Variants in MLYCD observed in about 807,000 individuals in gnomAD.
The protein encoded by MLYCD is malonyl-CoA decarboxylase, mitochondrial.
In MLYCD, 27 loss-of-function variants were observed where a neutral mutation model predicts 35.8. The ratio of observed to expected loss-of-function variants is 0.75; its 90% CI spans 0.56 to 1.04. The LOEUF is 1.04. Ranked by LOEUF, MLYCD falls within the 50% of genes least tolerant of loss-of-function variation. The pLI, the probability that MLYCD is intolerant of heterozygous loss-of-function variation, is 0.00. For missense variants in MLYCD, 917 were observed against 665.1 expected, an observed-to-expected ratio of 1.38 and a Z score of -4.17; for synonymous variants, 403 against 302.4, an observed-to-expected ratio of 1.33 and a Z score of -3.45.
At chr16:83,904,001 C>T (rs1462483805) in intron 1 of MLYCD, among the ~76,000 whole-genome samples, 1 of 152,162 alleles carries the variant, frequency 6.6e-6, no homozygotes, top group Non-Finnish European at 1.5e-5. Flanking sequence ...GGTGTTAGAA[C>T]TGAGCAACGG....
Position 83,899,365 on chromosome 16 carries a change from T to C in MLYCD, c.221T>C (p.Phe74Ser). ...GGTCAGTGCGCGGACTTCGTGAGCT[T>C]CTACGGTGGGCTGGCCGAGACGGCC... ...AEGQCADFVS[F>S]YGGLAETAQR... The change falls in exon 1 of 5, where the codon TTC becomes TCC. Residue 74 changes from phenylalanine to serine, a missense_variant. Phe to Ser is a radical substitution (Grantham distance 155). Coordinates refer to ENST00000262430, the MANE Select transcript of MLYCD (RefSeq NM_012213.3). The C allele has an allele frequency of 6.5e-7, 1 of 1,527,478 alleles. No individual in the cohort carries two copies. The highest frequency in any genetic ancestry group is 8.7e-7 in the Non-Finnish European group (1 of 1,146,274). The allele number at this position is 1,527,478 out of a possible 1,614,324, so 94.6% of individuals were successfully genotyped here. A position where few individuals can be genotyped will look rare whatever the true frequency, so the allele number is the denominator to read the frequency against.
intron 4 of MLYCD, chr16:83,913,253 C>G (rs555054119): frequency 1.3e-5 from 2 of 152,178 alleles, no homozygotes; most frequent in East Asian, 3.9e-4. Flanking sequence ...CGCCATGTTT[C>G]CCCCGGGTAA....
At position 83,922,325 on chromosome 16, in the gene MLYCD, G is replaced by T. The variant is rs370067664; in HGVS notation, c.*6836G>T. The stretch of plus-strand genomic sequence containing the variant: ...TTGGAGCCCTGTCATCTGTGGATCA[G>T]ATGCTCCCCAGCTCCCTCCATCCCA... On this transcript the variant is annotated 3_prime_UTR_variant, in exon 5 of 5. Coordinates refer to ENST00000262430, the MANE Select transcript of MLYCD (RefSeq NM_012213.3). 6.6e-6 allele frequency: 1 copy of T among 152,234 alleles called. No homozygotes were observed. Among genetic ancestry groups the T allele is most frequent in the African/African-American group, 2.4e-5 (1 of 41,442 alleles). The allele number at this position is 152,234 out of a possible 1,614,324, so 9.4% of individuals were successfully genotyped here. A position where few individuals can be genotyped will look rare whatever the true frequency, so the allele number is the denominator to read the frequency against.
intron 3 of MLYCD, among the ~76,000 whole-genome samples, chr16:83,909,885 G>T (rs564844911): frequency 4.8e-4 from 73 of 151,718 alleles, no homozygotes; most frequent in Admixed American, 2.7e-3. Flanking sequence ...TGCCCGCCGC[G>T]GCTTCCCAAA....
intron 4 of MLYCD, chr16:83,913,900 A>G (rs1259391488): frequency 6.6e-6 from 1 of 151,884 alleles, no homozygotes; most frequent in Non-Finnish European, 1.5e-5. Flanking sequence ...GGAAAATCAT[A>G]ATAGGCTGCT....
At chr16:83,914,926 C>A in intron 4 of MLYCD, 30 bp from the exon 5 acceptor site, 1 of 1,614,136 alleles carries the variant, frequency 6.2e-7, no homozygotes, top group South Asian at 1.1e-5. Context: ...TTTTCTCCGC[C>A]TTCCTTTCCA....
At chr16:83,905,724 C>T (rs916295798) in intron 1 of MLYCD, among the ~76,000 whole-genome samples, 1 of 152,224 alleles carries the variant, frequency 6.6e-6, no homozygotes, top group South Asian at 2.1e-4. Flanking sequence ...CCCTCATTGA[C>T]CAGAACTCTG....
At chr16:83,908,678 G>A (rs1907066850) in intron 3 of MLYCD, among the ~76,000 whole-genome samples, 1 of 152,200 alleles carries the variant, frequency 6.6e-6, no homozygotes, top group African/African-American at 2.4e-5. Context: ...TTAGAAAATT[G>A]AAAGAGGCAC....
chr16:83,903,944 A>G (rs1171244400), intron 1 of MLYCD, among the ~76,000 whole-genome samples: 5 of 152,238 alleles, frequency 3.3e-5, no homozygotes, highest in African/African-American at 1.2e-4. Context: ...GTATCCTGGC[A>G]ACGTTGCCGC....
chr16:83,914,994 A>C lies in MLYCD; in HGVS notation c.987A>C (p.Ser329=). ...FPHLGVFSSL[S]PIPGFTKWLL... is the part of the protein sequence containing the mutation. The stretch of plus-strand genomic sequence containing the variant: ...ACCTTGGGGTGTTTTCAAGTCTGTC[A>C]CCTATACCTGGTTTCACCAAATGGC... Residue 329 remains serine, a synonymous_variant, in exon 5 of 5, where the codon TCA becomes TCC. Transcript: ENST00000262430. 7 of 1,614,156 alleles carry C rather than the reference A, an allele frequency of 4.3e-6. No homozygotes were observed. The highest frequency in any genetic ancestry group is 5.9e-6 in the Non-Finnish European group (7 of 1,180,038).
intron 3 of MLYCD, 92 bp downstream of exon 3, chr16:83,908,374 C>CT: frequency 1.4e-6 from 2 of 1,407,040 alleles, no homozygotes; most frequent in South Asian, 1.3e-5. Context: ...ATTTTATCCT[C>CT]CTTTTTTTTT....
intron 4 of MLYCD, chr16:83,913,674 C>T (rs1251969864): frequency 1.3e-5 from 2 of 151,996 alleles, no homozygotes; most frequent in African/African-American, 4.8e-5. Context: ...AAAAATTAGG[C>T]ATGGTGGTGC....
In MLYCD at chr16:83,912,098, C is replaced by A. The variant is rs549059900; in HGVS notation, c.799-120C>A. 1.3e-5 allele frequency: 19 copies of A among 1,409,990 alleles called. No individual in the cohort carries two copies. The African/African-American group carries it at 1.8e-4, about 14-fold the overall frequency. 87.3% of individuals were successfully genotyped at this position (1,409,990 alleles called of 1,614,324 possible). On this transcript the variant is annotated intron_variant, in intron 3 of 4. Coordinates refer to ENST00000262430, the MANE Select transcript of MLYCD (RefSeq NM_012213.3). ...GTAGCCTGAACCCCAGCTGGGGAGC[C>A]GAGGTCTCTTCCAGCTCCTTCAGTG...
rs754586979 is a variant in MLYCD, at chr16:83,925,030, G to A, written c.*9541G>A. ...CTGTCTCCTAACTACCGATAGCAAG[G>A]GCACTAGTGCCCCTGTTTGCCGGGG... On this transcript the variant is annotated 3_prime_UTR_variant, in exon 5 of 5. Coordinates refer to ENST00000262430, the MANE Select transcript of MLYCD (RefSeq NM_012213.3). The A allele has an allele frequency of 6.6e-6, 1 of 152,274 alleles. No individual in the cohort carries two copies. The highest frequency in any genetic ancestry group is 1.5e-5 in the Non-Finnish European group (1 of 68,088). The allele number at this position is 152,274 out of a possible 1,614,324, so 9.4% of individuals were successfully genotyped here. A position where few individuals can be genotyped will look rare whatever the true frequency, so the allele number is the denominator to read the frequency against.
At position 83,923,770 on chromosome 16, in the gene MLYCD, G is replaced by C. The variant is rs551900459; in HGVS notation, c.*8281G>C. The C allele has an allele frequency of 5.7e-4, 87 of 152,500 alleles. No individual in the cohort carries two copies. The highest frequency in any genetic ancestry group is 2.0e-3 in the African/African-American group (85 of 41,582). 9.4% of individuals were successfully genotyped at this position (152,500 alleles called of 1,614,324 possible). Reference sequence around the variant, plus strand: ...CACCCAGCTCTCCTTCCACCGCACTGGTCCACCTCCTGACCGTACGTGGGG... The same window carrying C: ...CACCCAGCTCTCCTTCCACCGCACTCGTCCACCTCCTGACCGTACGTGGGG... On this transcript the variant is annotated 3_prime_UTR_variant, in exon 5 of 5. Transcript: ENST00000262430.
chr16:83,904,696 C>A (rs529624671), intron 1 of MLYCD, among the ~76,000 whole-genome samples: 1 of 152,304 alleles, frequency 6.6e-6, no homozygotes, highest in South Asian at 2.1e-4. Flanking sequence ...TTGCAAAGAT[C>A]TTCTGGTCCA....
In MLYCD at chr16:83,912,077, C is replaced by T; in HGVS notation, c.799-141C>T. 4.0e-6 allele frequency: 5 copies of T among 1,238,680 alleles called. No individual in the cohort carries two copies. The South Asian group carries it at 6.1e-5, about 15-fold the overall frequency. The allele number at this position is 1,238,680 out of a possible 1,614,324, so 76.7% of individuals were successfully genotyped here. On this transcript the variant is annotated intron_variant, in intron 3 of 4. Transcript: ENST00000262430. ...ACAGAGCAGCTTTTAGGCTCTGTAG[C>T]CTGAACCCCAGCTGGGGAGCCGAGG...
chr16:83,917,605 G>A lies in MLYCD; in HGVS notation c.*2116G>A, dbSNP rs553260921. On this transcript the variant is annotated 3_prime_UTR_variant, in exon 5 of 5. Transcript: ENST00000262430. ...TCTCATGCCTCTTGTTCTCCGGGCT[G>A]ATTCTGAAAGAGTGGCTTGCAGGCC... The A allele has an allele frequency of 1.3e-5, 2 of 152,396 alleles. No homozygotes were observed. The highest frequency in any genetic ancestry group is 1.9e-4 in the East Asian group (1 of 5,172). 9.4% of individuals were successfully genotyped at this position (152,396 alleles called of 1,614,324 possible). A position where few individuals can be genotyped will look rare whatever the true frequency, so the allele number is the denominator to read the frequency against.
rs1287305715 is a variant in MLYCD, at chr16:83,915,887, T to A, written c.*398T>A. On this transcript the variant is annotated 3_prime_UTR_variant, in exon 5 of 5. Transcript: ENST00000262430. ...CCGGGGCGCGTGGCCCAGATAAGAA[T>A]AGGTGTTCCTTTGTGCTCATAAAAC... is the stretch of plus-strand genomic sequence containing the variant. 4 of 1,144,136 alleles carry A rather than the reference T, an allele frequency of 3.5e-6. No homozygotes were observed. The highest frequency in any genetic ancestry group is 4.3e-6 in the Non-Finnish European group (4 of 922,126). 70.9% of individuals were successfully genotyped at this position (1,144,136 alleles called of 1,614,324 possible). A position where few individuals can be genotyped will look rare whatever the true frequency, so the allele number is the denominator to read the frequency against.
Sources: gnomAD v4.1 joint callset for allele counts (sites outside exome capture counted in the v4.1 genomes callset) on GRCh38, gnomAD v4.1.1 for gene constraint, MANE v1.5 for transcripts, NCBI Gene and HGNC (gene_info 2026-07-23, HGNC 2026-07-21) for gene names.